The following TNS1 variants were observed in gnomAD, a reference collection of about 807,000 sequenced individuals.
TNS1 encodes the protein tensin-1.
Under a neutral mutation model 168.6 loss-of-function variants are expected in TNS1, and 62 were observed. The observed-to-expected ratio is 0.37, with a 90% CI of 0.30 to 0.45. The LOEUF (loss-of-function observed/expected upper bound fraction) is 0.45. TNS1 is among the 20% of genes least tolerant of loss of function. The pLI is 1.00. For missense variants in TNS1, 2,240 were observed against 2,339.4 expected (o/e 0.96, Z 0.88); for synonymous variants, 934 against 933.2 (o/e 1.00, Z -0.02).
intron 32 of TNS1, among the ~76,000 whole-genome samples, chr2:217,804,849 G>T (rs1042458413): frequency 3.3e-5 from 5 of 152,118 alleles, no homozygotes; most frequent in African/African-American, 1.2e-4. Context: ...CCTTTGAAGG[G>T]GTGCGAGGGG....
chr2:217,880,506 T>C lies in TNS1; in HGVS notation c.1429+392A>G, dbSNP rs1270637670. Among the ~76,000 whole-genome samples the C allele has an allele frequency of 6.6e-6, 1 of 152,062 alleles. No individual in the cohort carries two copies. Among genetic ancestry groups the C allele is most frequent in the Admixed American group, 6.5e-5 (1 of 15,270 alleles). ...ATACACATGTGACAAATGCTGTTTTTGCAGCACAGTGGGGGGTATCTCAAG... is the reference window on the plus strand; with the variant it reads ...ATACACATGTGACAAATGCTGTTTTCGCAGCACAGTGGGGGGTATCTCAAG... On this transcript the variant is annotated intron_variant, in intron 18 of 32. Transcript: ENST00000682258. The surrounding 1 kb of genome is among the most constrained non-coding windows in gnomAD (Gnocchi z 4.2).
intron 6 of TNS1, among the ~76,000 whole-genome samples, chr2:217,904,401 C>T (rs544010184): frequency 6.6e-6 from 1 of 152,260 alleles, no homozygotes; most frequent in South Asian, 2.1e-4. Flanking sequence ...CTGGAGAGTC[C>T]CGTGGCTGGG....
At chr2:217,955,081 A>G (rs1282554847) in intron 3 of TNS1, among the ~76,000 whole-genome samples, 1 of 152,222 alleles carries the variant, frequency 6.6e-6, no homozygotes, top group Non-Finnish European at 1.5e-5. Context: ...GGTGTCCGCC[A>G]TAGTCCCCAG....
intron 4 of TNS1, among the ~76,000 whole-genome samples, chr2:217,914,112 C>T (rs1954736184): frequency 6.6e-6 from 1 of 152,154 alleles, no homozygotes; most frequent in Non-Finnish European, 1.5e-5. Context: ...CAGACTTAAA[C>T]TAGGCTTGAA....
intron 2 of TNS1, among the ~76,000 whole-genome samples, chr2:217,989,842 C>T (rs923341906): frequency 4.6e-5 from 7 of 151,948 alleles, no homozygotes; most frequent in Non-Finnish European, 8.8e-5. Context: ...CCTCAAAACA[C>T]ATCAGCCATG....
rs961544782 is a variant in TNS1, at chr2:218,032,361, C to T, written c.156+1459G>A. 2.0e-5 allele frequency among the ~76,000 whole-genome samples: 3 copies of T among 152,076 alleles called. No individual in the cohort carries two copies. The highest frequency in any genetic ancestry group is 4.8e-5 in the African/African-American group (2 of 41,404). ...GACAGCCTGCTTGTGGAGGAGGAGG[C>T]AGCATGACAGGGGAAGGGGGCGATG... is the stretch of plus-strand genomic sequence containing the variant. On this transcript the variant is annotated intron_variant, in intron 1 of 1. Transcript: ENST00000649572. The surrounding 1 kb of genome is among the most constrained non-coding windows in gnomAD (Gnocchi z 4.0).
chr2:217,963,303 C>A (rs994146703), intron 3 of TNS1, among the ~76,000 whole-genome samples: 7 of 152,182 alleles, frequency 4.6e-5, no homozygotes, highest in African/African-American at 1.7e-4. Context: ...ACAGGTGCTC[C>A]GGCACGGGGT....
At chr2:217,961,733 A>G (rs1162907669) in intron 3 of TNS1, among the ~76,000 whole-genome samples, 1 of 152,196 alleles carries the variant, frequency 6.6e-6, no homozygotes, top group Non-Finnish European at 1.5e-5. Context: ...TTGACATAGG[A>G]AATGATTTCC....
intron 14 of TNS1, 42 bp downstream of exon 14, chr2:217,886,002 G>A: frequency 6.2e-7 from 1 of 1,609,060 alleles, no homozygotes; most frequent in Non-Finnish European, 8.5e-7. Context: ...TTAGCCCTGG[G>A]CCTTGGGCTT....
Position 217,854,307 on chromosome 2 carries a change from T to C in TNS1, c.1430-5220A>G, listed in dbSNP as rs188789450. 2.5e-3 allele frequency among the ~76,000 whole-genome samples: 378 copies of C among 152,326 alleles called. 1 individual carries two copies. Among genetic ancestry groups the C allele is most frequent in the Middle Eastern group, 6.8e-3 (2 of 294 alleles). ...TGAAGAATAAAAGGTGCCAGCCATA[T>C]TGACTGCAAGAAAGGAGTCACCTTC... is the stretch of plus-strand genomic sequence containing the variant. On this transcript the variant is annotated intron_variant, in intron 18 of 32. Coordinates refer to ENST00000682258, the MANE Select transcript of TNS1 (RefSeq NM_001387777.1).
At chr2:217,944,338 C>T (rs1437066623) in intron 3 of TNS1, among the ~76,000 whole-genome samples, 2 of 151,568 alleles carry the variant, frequency 1.3e-5, no homozygotes, top group African/African-American at 4.8e-5. Flanking sequence ...GGGGACAGGA[C>T]GGGAAGGGCC....
intron 6 of TNS1, among the ~76,000 whole-genome samples, chr2:217,902,965 A>C (rs1295323779): frequency 6.6e-6 from 1 of 152,206 alleles, no homozygotes; most frequent in Non-Finnish European, 1.5e-5. Context: ...TCAGAGAACA[A>C]CAAATGGGCT....
chr2:217,946,134 G>A (rs546049249), intron 3 of TNS1, among the ~76,000 whole-genome samples: 18 of 152,232 alleles, frequency 1.2e-4, no homozygotes, highest in African/African-American at 3.9e-4. Context: ...CAACTTTGAC[G>A]GTCAGGCCTT....
intron 3 of TNS1, among the ~76,000 whole-genome samples, chr2:217,963,144 T>G (rs1288130770): frequency 6.6e-6 from 1 of 152,130 alleles, no homozygotes; most frequent in Admixed American, 6.5e-5. Context: ...AAGAATTAAG[T>G]CCTTGGAAGG....
chr2:218,016,196 C>T (rs953501554), intron 1 of TNS1, among the ~76,000 whole-genome samples: 2 of 152,254 alleles, frequency 1.3e-5, no homozygotes, highest in South Asian at 2.1e-4. Flanking sequence ...GGCCAGTCTG[C>T]TCCTGAACTG....
At position 218,033,643 on chromosome 2, in the gene TNS1, C is replaced by T. The variant is rs1433300732; in HGVS notation, c.156+177G>A. ...GGGGAGCCCTCTACCCAACTGGAGG[C>T]CCCTTCACCCGGTCGTGGTCCTTCC... On this transcript the variant is annotated intron_variant, in intron 1 of 1. Transcript: ENST00000649572. The surrounding 1 kb of genome is among the most constrained non-coding windows in gnomAD (Gnocchi z 4.3). Among the ~76,000 whole-genome samples the T allele has an allele frequency of 6.6e-6, 1 of 152,124 alleles. No individual in the cohort carries two copies. The highest frequency in any genetic ancestry group is 1.5e-5 in the Non-Finnish European group (1 of 68,006).
rs12474244 is a variant in TNS1, at chr2:217,998,709, G to T, written c.33+4131C>A. Among the ~76,000 whole-genome samples, 731 of 152,220 alleles carry T rather than the reference G, an allele frequency of 4.8e-3. 24 individuals are homozygous for T. Among genetic ancestry groups the T allele is most frequent in the Admixed American group, 0.046 (708 of 15,296 alleles). On this transcript the variant is annotated intron_variant, in intron 1 of 32. Transcript: ENST00000682258. ...CAGACATGGTCTTACTATGTTGCTC[G>T]GGCCAGTCTTGAACTTCTAGGCTCA... is the stretch of plus-strand genomic sequence containing the variant.
chr2:217,979,112 G>T (rs1191603707), intron 2 of TNS1, among the ~76,000 whole-genome samples: 5 of 152,216 alleles, frequency 3.3e-5, no homozygotes, highest in Non-Finnish European at 1.5e-5. Context: ...CCCTGCCAGG[G>T]GCAGAGGTAG....
chr2:217,954,351 G>A (rs556413951), intron 3 of TNS1, among the ~76,000 whole-genome samples: 1 of 152,320 alleles, frequency 6.6e-6, no homozygotes, highest in East Asian at 1.9e-4. Context: ...CTGCCAAGGC[G>A]AGATGCAGCG....
Sources: allele counts gnomAD v4.1 joint callset (sites outside exome capture counted in the v4.1 genomes callset), GRCh38; gene constraint gnomAD v4.1.1; non-coding constraint Gnocchi (gnomAD v3.1); transcripts MANE v1.5; gene names NCBI Gene and HGNC (gene_info 2026-07-23, HGNC 2026-07-21).